MCPH1: variants seen among roughly 807,000 people sequenced by gnomAD.
MCPH1 encodes microcephalin 1.
MCPH1 carries 104 observed loss-of-function variants against 84.5 expected under a neutral mutation model. That is an observed-to-expected ratio of 1.23 (90% CI 1.05 to 1.45). The LOEUF is 1.45. MCPH1 is among the 40% of genes most tolerant of loss of function. The pLI, the probability that MCPH1 is intolerant of heterozygous loss-of-function variation, is 0.00. For missense variants in MCPH1, 1,498 were observed against 1,005.7 expected (o/e 1.49, Z -6.62); for synonymous variants, 514 against 366.8 (o/e 1.40, Z -4.58).
intron 8 of MCPH1, among the ~76,000 whole-genome samples, chr8:6,449,396 G>C (rs766596859): frequency 6.6e-6 from 1 of 152,186 alleles, no homozygotes; most frequent in Non-Finnish European, 1.5e-5. Flanking sequence ...CACTTTGGGA[G>C]GCCGAGGTAG....
rs1831404852 is a variant in MCPH1 at position 6,621,464 on chromosome 8, G to A, written c.2225G>A (p.Ser742Asn). 1 of 1,614,024 alleles carries A rather than the reference G, an allele frequency of 6.2e-7. No individual in the cohort carries two copies. Among genetic ancestry groups the A allele is most frequent in the Non-Finnish European group, 8.5e-7 (1 of 1,179,992 alleles). The change falls in exon 13 of 14, where the codon AGC (serine) becomes AAC (asparagine). Residue 742 changes from serine to asparagine, a missense_variant. Transcript: ENST00000344683. ...HHFPAAPLCRSECHLSAGPYR... is the reference protein window; with the variant it reads ...HHFPAAPLCRNECHLSAGPYR... ...CTGTCTGCCCCACAGCTGTGCCGAA[G>A]CGAGTGCCACTTGTCTGCAGGGCCG...
chr8:6,419,609 A>T (rs1477604960), intron 3 of MCPH1, among the ~76,000 whole-genome samples: 3 of 146,990 alleles, frequency 2.0e-5, no homozygotes, highest in Non-Finnish European at 3.0e-5. Context: ...TTACCGTGTT[A>T]GCCAGGATGG....
At chr8:6,548,913 T>A (rs989852466) in intron 12 of MCPH1, among the ~76,000 whole-genome samples, 9 of 152,344 alleles carry the variant, frequency 5.9e-5, no homozygotes, top group Admixed American at 5.9e-4. Context: ...CTGTTGTATT[T>A]CACTACCTCC....
Position 6,499,923 on chromosome 8 carries a change from A to C in MCPH1, c.2208A>C (p.Ala736=), listed in dbSNP as rs756539457. The stretch of plus-strand genomic sequence containing the variant: ...TCGAACTGTCTCACCACTTCCCTGC[A>C]GCTCCCGTAAGTCAGATGTTGTTTT... ...EPFELSHHFP[A]APLCRSECHL... Residue 736 remains alanine, a synonymous_variant, in exon 12 of 14, where the codon GCA becomes GCC. Transcript: ENST00000344683. 7.4e-6 allele frequency: 12 copies of C among 1,613,468 alleles called. No homozygotes were observed. The South Asian group carries it at 1.3e-4, about 18-fold the overall frequency.
chr8:6,569,849 G>T (rs1826514206), intron 12 of MCPH1, among the ~76,000 whole-genome samples: 2 of 152,194 alleles, frequency 1.3e-5, no homozygotes. Flanking sequence ...CCATTTCACT[G>T]CCAGAGACTC....
At chr8:6,555,122 T>A (rs1824361715) in intron 12 of MCPH1, among the ~76,000 whole-genome samples, 3 of 152,210 alleles carry the variant, frequency 2.0e-5, no homozygotes, top group African/African-American at 4.8e-5. Flanking sequence ...TTTTTTACTC[T>A]TTTTATTTAC....
chr8:6,487,660 G>C (rs1213970777), intron 11 of MCPH1, among the ~76,000 whole-genome samples: 1 of 152,194 alleles, frequency 6.6e-6, no homozygotes, highest in Non-Finnish European at 1.5e-5. Context: ...GTGCCCTTCA[G>C]GTCTCTCTGG....
Position 6,621,461 on chromosome 8 carries a change from G to T in MCPH1, c.2222G>T (p.Arg741Leu), listed in dbSNP as rs779231385. 1 of 1,613,964 alleles carries T rather than the reference G, an allele frequency of 6.2e-7. No individual in the cohort carries two copies. Among genetic ancestry groups the T allele is most frequent in the Non-Finnish European group, 8.5e-7 (1 of 1,179,972 alleles). ...SHHFPAAPLC[R>L]SECHLSAGPY... ...TCTCTGTCTGCCCCACAGCTGTGCC[G>T]AAGCGAGTGCCACTTGTCTGCAGGG... Residue 741 changes from arginine (R) to leucine (L), a missense_variant, in exon 13 of 14, where the codon CGA (arginine) becomes CTA (leucine). Transcript: ENST00000344683.
chr8:6,539,436 T>A (rs1440690883), intron 12 of MCPH1, among the ~76,000 whole-genome samples: 1 of 152,126 alleles, frequency 6.6e-6, no homozygotes, highest in Non-Finnish European at 1.5e-5. Flanking sequence ...CTGGTGCCAA[T>A]TTCCTAGTGG....
intron 10 of MCPH1, among the ~76,000 whole-genome samples, chr8:6,479,555 C>G (rs1808923172): frequency 6.6e-6 from 1 of 151,650 alleles, no homozygotes; most frequent in Non-Finnish European, 1.5e-5. Flanking sequence ...CTGCGTCAGC[C>G]TCCTGAGTAT....
chr8:6,640,059 CGTGTGTGTGTGTGTGTGTGTGTGT>C (rs147642349), intron 13 of MCPH1, among the ~76,000 whole-genome samples: 3 of 134,196 alleles, frequency 2.2e-5, no homozygotes, highest in East Asian at 4.6e-4. Context: ...ATTTTAAACT[CGTGTGTGTGTGTGTGTGTGTGTGT>C]GTGTGTGTGT....
At chr8:6,485,813 A>G (rs1809819642) in intron 11 of MCPH1, among the ~76,000 whole-genome samples, 1 of 152,204 alleles carries the variant, frequency 6.6e-6, no homozygotes, top group South Asian at 2.1e-4. Context: ...ACAAACAGAT[A>G]TAAATATATG....
At chr8:6,414,330 T>C (rs79959551) in intron 2 of MCPH1, among the ~76,000 whole-genome samples, 7,345 of 152,306 alleles carry the variant, frequency 0.048, 380 homozygotes, top group African/African-American at 0.14. Context: ...TCTTAAGATA[T>C]GAGGTATTTT....
At chr8:6,518,821 C>T (rs1433463592) in intron 12 of MCPH1, among the ~76,000 whole-genome samples, 3 of 152,166 alleles carry the variant, frequency 2.0e-5, no homozygotes, top group Non-Finnish European at 2.9e-5. Context: ...CCAGTAGTTA[C>T]ATAACACTTC....
chr8:6,559,230 A>ACACAC (rs113856995), intron 12 of MCPH1, among the ~76,000 whole-genome samples: 2 of 146,726 alleles, frequency 1.4e-5, no homozygotes, highest in African/African-American at 2.5e-5. Flanking sequence ...CACACACGAC[A>ACACAC]ACACACACAC....
intron 12 of MCPH1, among the ~76,000 whole-genome samples, chr8:6,596,849 C>G (rs148582056): frequency 3.7e-4 from 56 of 152,256 alleles, no homozygotes; most frequent in African/African-American, 1.3e-3. Context: ...TCATTATTGA[C>G]CATGAAATAG....
At chr8:6,496,631 G>T (rs908785426) in intron 11 of MCPH1, among the ~76,000 whole-genome samples, 1 of 151,910 alleles carries the variant, frequency 6.6e-6, no homozygotes, top group African/African-American at 2.4e-5. Context: ...AGCTATGGTG[G>T]GCGGTATGCT....
chr8:6,423,015 G>A (rs1800467073), intron 3 of MCPH1, among the ~76,000 whole-genome samples: 1 of 150,934 alleles, frequency 6.6e-6, no homozygotes, highest in African/African-American at 2.5e-5. Flanking sequence ...GAGAGACAGG[G>A]TTTCACCATG....
At chr8:6,631,035 A>C (rs1019856213) in intron 13 of MCPH1, among the ~76,000 whole-genome samples, 1 of 152,302 alleles carries the variant, frequency 6.6e-6, no homozygotes, top group Non-Finnish European at 1.5e-5. Context: ...AAGGTGCTCT[A>C]AACAACCACC....
Sources: allele counts gnomAD v4.1 joint callset (sites outside exome capture counted in the v4.1 genomes callset), GRCh38; gene constraint gnomAD v4.1.1; transcripts MANE v1.5; gene names NCBI Gene and HGNC (gene_info 2026-07-23, HGNC 2026-07-21).